NR2E1: variants seen among roughly 807,000 people sequenced by gnomAD.
NR2E1 encodes nuclear receptor subfamily 2 group E member 1, also known as nuclear receptor TLX.
A neutral mutation model predicts 43.6 loss-of-function variants in NR2E1; 5 were observed. The observed-to-expected ratio is 0.11, with a 90% confidence interval of 0.06 to 0.24. The LOEUF is 0.24. Among genes scored for constraint, NR2E1 ranks in the 10% least tolerant of loss-of-function variants. The pLI, the probability that NR2E1 is intolerant of heterozygous loss-of-function variation, is 1.00. For synonymous variants in NR2E1, 191 were observed against 195.5 expected (o/e 0.98, Z 0.19); for missense variants, 287 against 496.7 (o/e 0.58, Z 4.01).
intron 5 of NR2E1, among the ~76,000 whole-genome samples, chr6:108,178,718 G>A (rs1582447475): frequency 6.6e-6 from 1 of 152,124 alleles, no homozygotes; most frequent in East Asian, 1.9e-4. Flanking sequence ...CCCAGTTTTG[G>A]TCATTAATTG....
At chr6:108,167,559 C>T (rs1315882974) in intron 1 of NR2E1, among the ~76,000 whole-genome samples, 1 of 152,122 alleles carries the variant, frequency 6.6e-6, no homozygotes, top group Admixed American at 6.5e-5. Flanking sequence ...AGGGCATTTG[C>T]TTGCACCCTG....
chr6:108,168,105 C>G (rs746054589), intron 1 of NR2E1: 4 of 1,604,458 alleles, frequency 2.5e-6, no homozygotes, highest in African/African-American at 2.7e-5. Context: ...TGGCCCAGGA[C>G]TGGGTTTCCC....
intron 2 of NR2E1, among the ~76,000 whole-genome samples, chr6:108,172,122 T>C (rs1393830958): frequency 6.6e-6 from 1 of 152,052 alleles, no homozygotes; most frequent in Non-Finnish European, 1.5e-5. Context: ...ACCAAGTGAG[T>C]GCTAGCCACT....
Position 108,179,460 on chromosome 6 carries a change from G to C in NR2E1, c.643-863G>C, listed in dbSNP as rs1000294231. On this transcript the variant is annotated intron_variant, in intron 5 of 8. Transcript: ENST00000368986. The stretch of plus-strand genomic sequence containing the variant: ...TTAAAGGTAGTTAGGTCCTATCTTT[G>C]ACCAGGTTTACTGGTTAGCTCTAAC... The C allele has an allele frequency of 2.0e-5, 3 of 150,292 alleles. No homozygotes were observed. The South Asian group carries it at 6.3e-4, about 31-fold the overall frequency. The allele number at this position is 150,292 out of a possible 1,614,324, so 9.3% of individuals were successfully genotyped here.
Position 108,166,893 on chromosome 6 carries a change from CCT to C in NR2E1, c.25+104_25+105del, listed in dbSNP as rs1773718020. The C allele has an allele frequency of 4.9e-6, 6 of 1,218,946 alleles. No individual in the cohort carries two copies. The highest frequency in any genetic ancestry group is 3.5e-6 in the Non-Finnish European group (3 of 856,236). 75.5% of individuals were successfully genotyped at this position (1,218,946 alleles called of 1,614,324 possible). On this transcript the variant is annotated intron_variant, in intron 1 of 8. Coordinates refer to ENST00000368986, the MANE Select transcript of NR2E1 (RefSeq NM_003269.5). The surrounding 1 kb of genome is among the most constrained non-coding windows in gnomAD (Gnocchi z 7.2). ...GCCTGGAGCGCTGCGAATCTGAGCC[CCT>C]GAGAGGGATTCCAGCGGGCGTGTGC...
At chr6:108,176,274 G>C (rs1403644950) in intron 3 of NR2E1, 3 of 591,296 alleles carry the variant, frequency 5.1e-6, no homozygotes, top group African/African-American at 1.9e-5. Flanking sequence ...GTGGCACTTT[G>C]AGCACGGGCC....
intron 3 of NR2E1, chr6:108,175,964 C>T (rs910585693): frequency 6.3e-6 from 1 of 157,836 alleles, no homozygotes; most frequent in African/African-American, 2.4e-5. Context: ...TCGTTCCATT[C>T]CCTAGCAATC....
chr6:108,171,511 C>A lies in NR2E1; in HGVS notation c.79C>A (p.His27Asn). 1 of 1,614,032 alleles carries A rather than the reference C, an allele frequency of 6.2e-7. No homozygotes were observed. Among genetic ancestry groups the A allele is most frequent in the Non-Finnish European group, 8.5e-7 (1 of 1,180,020 alleles). Reference sequence around the variant, plus strand: ...GTGTGGCGACCGCAGCTCGGGGAAGCACTACGGGGTCTACGCCTGCGACGG... The same window carrying A: ...GTGTGGCGACCGCAGCTCGGGGAAGAACTACGGGGTCTACGCCTGCGACGG... ...KVCGDRSSGKHYGVYACDGCS... is the reference protein window; with the variant it reads ...KVCGDRSSGKNYGVYACDGCS... The change falls in exon 2 of 9, where the codon CAC becomes AAC. Residue 27 changes from histidine (H) to asparagine (N), a missense_variant. Transcript: ENST00000368986.
intron 5 of NR2E1, among the ~76,000 whole-genome samples, chr6:108,178,598 A>G (rs1479276488): frequency 6.6e-6 from 1 of 152,232 alleles, no homozygotes. Flanking sequence ...TTTACTAAGA[A>G]CATTGGAACT....
chr6:108,175,243 C>A (rs922422690), intron 3 of NR2E1, among the ~76,000 whole-genome samples: 2 of 152,242 alleles, frequency 1.3e-5, no homozygotes, highest in Non-Finnish European at 2.9e-5. Flanking sequence ...CCTAATCCCT[C>A]TTTGCAGCCC....
intron 8 of NR2E1, among the ~76,000 whole-genome samples, chr6:108,184,252 G>A (rs1774039817): frequency 6.6e-6 from 1 of 152,114 alleles, no homozygotes; most frequent in Non-Finnish European, 1.5e-5. Context: ...TAACTTGTAT[G>A]TCCTAACTGA....
chr6:108,184,554 G>C (rs1774043915), intron 8 of NR2E1, among the ~76,000 whole-genome samples: 2 of 152,160 alleles, frequency 1.3e-5, no homozygotes, highest in South Asian at 4.1e-4. Context: ...AAGTCTGATG[G>C]GTGGAGGAAA....
At position 108,187,975 on chromosome 6, in the gene NR2E1, CA is replaced by C; in HGVS notation, c.*513del. On this transcript the variant is annotated 3_prime_UTR_variant, in exon 9 of 9. Coordinates refer to ENST00000368986, the MANE Select transcript of NR2E1 (RefSeq NM_003269.5). ...CAAAAGTTTCCCCTCTATTGTAATA[CA>C]TTATTAAGTGGCCTTCAGAACTGAG... 5.9e-6 allele frequency: 1 copy of C among 169,314 alleles called. No homozygotes were observed. The highest frequency in any genetic ancestry group is 1.4e-4 in the South Asian group (1 of 6,920). The allele number at this position is 169,314 out of a possible 1,614,324, so 10.5% of individuals were successfully genotyped here.
At chr6:108,176,761 AAGAGACTCGTGCC>A (rs1040175085) in intron 4 of NR2E1, 23 bp downstream of exon 4, 1 of 1,538,604 alleles carries the variant, frequency 6.5e-7, no homozygotes, top group Admixed American at 1.9e-5. Flanking sequence ...GCTGGGCCCA[AAGAGACTCGTGCC>A]AGCGAATGGA....
chr6:108,167,802 C>T (rs1269752941), intron 1 of NR2E1, among the ~76,000 whole-genome samples: 1 of 151,974 alleles, frequency 6.6e-6, no homozygotes, highest in East Asian at 1.9e-4. Flanking sequence ...CGTTCCTTCC[C>T]TCCCCCTCCC....
intron 3 of NR2E1, chr6:108,176,287 T>A (rs1184444132): frequency 6.7e-6 from 4 of 595,252 alleles, no homozygotes; most frequent in Non-Finnish European, 1.2e-5. Flanking sequence ...CACGGGCCCC[T>A]CTTCTAAGCC....
chr6:108,166,696 C>T lies in NR2E1; in HGVS notation c.-70C>T. On this transcript the variant is annotated 5_prime_UTR_variant, in exon 1 of 9. Transcript: ENST00000368986. The surrounding 1 kb of genome is among the most constrained non-coding windows in gnomAD (Gnocchi z 7.2). Reference sequence around the variant, plus strand: ...GCAGCTGGAGAGCGGCGGCGCCCGGCGGCGAGGCGGGCGCTGCCGGCCGGG... The same window carrying T: ...GCAGCTGGAGAGCGGCGGCGCCCGGTGGCGAGGCGGGCGCTGCCGGCCGGG... 7.3e-7 allele frequency: 1 copy of T among 1,365,672 alleles called. No homozygotes were observed. Among genetic ancestry groups the T allele is most frequent in the Non-Finnish European group, 9.7e-7 (1 of 1,036,036 alleles). The allele number at this position is 1,365,672 out of a possible 1,614,324, so 84.6% of individuals were successfully genotyped here.
In NR2E1 at chr6:108,180,864, A is replaced by T. The variant is rs1377795269; in HGVS notation, c.797A>T (p.Gln266Leu). 3.1e-6 allele frequency: 5 copies of T among 1,614,038 alleles called. No homozygotes were observed. Among genetic ancestry groups the T allele is most frequent in the Non-Finnish European group, 4.2e-6 (5 of 1,179,864 alleles). The part of the protein sequence containing the change: ...QKLNKIISEI[Q>L]ALQEVVARFR... ...CTGAACAAGATCATATCTGAAATAC[A>T]GGCTTTACAAGAGGTGGTGGCTCGA... Residue 266 changes from glutamine to leucine, a missense_variant, in exon 7 of 9, where the codon CAG becomes CTG. Transcript: ENST00000368986. The surrounding 1 kb of genome is among the most constrained non-coding windows in gnomAD (Gnocchi z 5.4).
At chr6:108,182,189 C>A (rs2114680888) in intron 8 of NR2E1, among the ~76,000 whole-genome samples, 1 of 149,842 alleles carries the variant, frequency 6.7e-6, no homozygotes, top group East Asian at 2.0e-4. Context: ...TTGCAGTGAG[C>A]CGATATTGTG....
Sources: gnomAD v4.1 joint callset for allele counts (sites outside exome capture counted in the v4.1 genomes callset) on GRCh38, gnomAD v4.1.1 for gene constraint, Gnocchi (gnomAD v3.1) non-coding constraint, MANE v1.5 for transcripts, NCBI Gene and HGNC (gene_info 2026-07-23, HGNC 2026-07-21) for gene names.